TTC12: variants seen among roughly 807,000 people sequenced by gnomAD.
TTC12 encodes tetratricopeptide repeat domain 12.
In TTC12, 70 loss-of-function variants were observed where a neutral mutation model predicts 90.1. That is an observed-to-expected ratio of 0.78 (90% CI 0.64 to 0.95). TTC12 has a LOEUF of 0.95. Ranked by LOEUF, TTC12 falls within the 40% of genes least tolerant of loss-of-function variation. TTC12 has a pLI of 0.00. For missense variants in TTC12, 819 were observed against 846.1 expected (o/e 0.97, Z 0.40); for synonymous variants, 296 against 311.5 (o/e 0.95, Z 0.53).
chr11:113,321,347 G>A (rs1182167834), intron 2 of TTC12, among the ~76,000 whole-genome samples: 1 of 152,094 alleles, frequency 6.6e-6, no homozygotes, highest in Non-Finnish European at 1.5e-5. Flanking sequence ...ATGTGCACAA[G>A]GAAATATGTA....
chr11:113,344,121 G>A (rs1012509167), intron 12 of TTC12, 151 bp from the exon 13 acceptor site: 2 of 887,902 alleles, frequency 2.3e-6, no homozygotes, highest in Non-Finnish European at 3.4e-6. Flanking sequence ...GGACCCAGCA[G>A]TCTGGTTCTA....
chr11:113,368,300 G>C (rs1022135014), downstream of TTC12: 25 of 1,540,378 alleles, frequency 1.6e-5, no homozygotes, highest in Non-Finnish European at 2.2e-5. Flanking sequence ...TCCCTCTCCA[G>C]TGTGGATCCA....
Position 113,325,515 on chromosome 11 carries a change from T to G in TTC12, c.323-9T>G. 6.2e-7 allele frequency: 1 copy of G among 1,613,600 alleles called. No individual in the cohort carries two copies. Among genetic ancestry groups the G allele is most frequent in the Non-Finnish European group, 8.5e-7 (1 of 1,179,594 alleles). On this transcript the variant is annotated splice_polypyrimidine_tract_variant and intron_variant, in intron 5 of 21. Coordinates refer to ENST00000529221, the MANE Select transcript of TTC12 (RefSeq NM_017868.4). ...TGAGAGCTCACCTGTGTAACTTATA[T>G]TCCCATAGCCCTAAAAGAAAAAGGG...
intron 16 of TTC12, among the ~76,000 whole-genome samples, 158 bp downstream of exon 16, chr11:113,352,365 G>T (rs534939203): frequency 6.6e-6 from 1 of 152,268 alleles, no homozygotes; most frequent in East Asian, 1.9e-4. Context: ...TGCACTGCTG[G>T]CCTTAAAGAG....
intron 6 of TTC12, 38 bp downstream of exon 6, chr11:113,325,683 G>A (rs1555140860): frequency 1.2e-6 from 2 of 1,605,040 alleles, no homozygotes; most frequent in Non-Finnish European, 1.7e-6. Flanking sequence ...GGCTTTCTCA[G>A]GGAATAGTTG....
At chr11:113,343,532 C>T (rs191196147) in intron 12 of TTC12, among the ~76,000 whole-genome samples, 168 of 152,258 alleles carry the variant, frequency 1.1e-3, no homozygotes, top group Non-Finnish European at 1.9e-3. Flanking sequence ...TGTGTGTCTT[C>T]TACTGGATGC....
downstream of TTC12, among the ~76,000 whole-genome samples, chr11:113,367,051 C>T (rs1045785370): frequency 3.9e-5 from 6 of 152,252 alleles, no homozygotes; most frequent in African/African-American, 1.2e-4. Flanking sequence ...CTTGTACTCT[C>T]ACCCCATCCC....
intron 16 of TTC12, among the ~76,000 whole-genome samples, chr11:113,357,596 A>AT (rs1949697106): frequency 6.6e-6 from 1 of 152,044 alleles, no homozygotes. Flanking sequence ...TGACCTTTGG[A>AT]TAAATTTTTT....
At chr11:113,347,622 G>T (rs1949044472) in intron 13 of TTC12, among the ~76,000 whole-genome samples, 1 of 152,124 alleles carries the variant, frequency 6.6e-6, no homozygotes, top group African/African-American at 2.4e-5. Flanking sequence ...CATACACTGA[G>T]GCCCAGGCCC....
rs1007344761 is a variant in TTC12, at chr11:113,329,905, T to C, written c.445-15T>C. 1.2e-6 allele frequency: 2 copies of C among 1,610,672 alleles called. No individual in the cohort carries two copies. The highest frequency in any genetic ancestry group is 1.1e-5 in the South Asian group (1 of 91,004). On this transcript the variant is annotated splice_polypyrimidine_tract_variant and intron_variant, in intron 6 of 21. Transcript: ENST00000529221. ...CAGAATTGTGTGTGAATATCAGCTGTTGGTTTCATTACAGGCTTATATGAA... is the reference window on the plus strand; with the variant it reads ...CAGAATTGTGTGTGAATATCAGCTGCTGGTTTCATTACAGGCTTATATGAA...
chr11:113,351,673 A>G (rs1949301879), intron 15 of TTC12, among the ~76,000 whole-genome samples: 1 of 152,206 alleles, frequency 6.6e-6, no homozygotes, highest in African/African-American at 2.4e-5. Context: ...AAGGCAGTGA[A>G]TAGTGTGGGG....
intron 10 of TTC12, 184 bp downstream of exon 10, chr11:113,339,658 C>G: frequency 1.8e-6 from 1 of 564,970 alleles, no homozygotes; most frequent in Non-Finnish European, 3.1e-6. Context: ...TCCATCCTCT[C>G]TACAGAGCAT....
intron 13 of TTC12, among the ~76,000 whole-genome samples, chr11:113,348,086 A>C (rs1281207060): frequency 6.6e-6 from 1 of 152,210 alleles, no homozygotes; most frequent in Non-Finnish European, 1.5e-5. Flanking sequence ...GCTTTCGTCA[A>C]GAGGCAAAGG....
In TTC12 at chr11:113,325,515, T is replaced by A; in HGVS notation, c.323-9T>A. ...TGAGAGCTCACCTGTGTAACTTATA[T>A]TCCCATAGCCCTAAAAGAAAAAGGG... On this transcript the variant is annotated splice_polypyrimidine_tract_variant and intron_variant, in intron 5 of 21. Coordinates refer to ENST00000529221, the MANE Select transcript of TTC12 (RefSeq NM_017868.4). 1 of 1,613,600 alleles carries A rather than the reference T, an allele frequency of 6.2e-7. No individual in the cohort carries two copies. The highest frequency in any genetic ancestry group is 8.5e-7 in the Non-Finnish European group (1 of 1,179,594).
intron 16 of TTC12, among the ~76,000 whole-genome samples, chr11:113,355,984 C>T (rs186627542): frequency 6.6e-6 from 1 of 152,248 alleles, no homozygotes; most frequent in Non-Finnish European, 1.5e-5. Context: ...AAGTTCAGGT[C>T]CTGAGTATCT....
At chr11:113,319,366 T>C (rs1467025691) in intron 2 of TTC12, among the ~76,000 whole-genome samples, 1 of 151,878 alleles carries the variant, frequency 6.6e-6, no homozygotes. Flanking sequence ...TGTCGTGTAG[T>C]GTTCTGGATG....
In TTC12 at chr11:113,362,125, A is replaced by G. The variant is rs1449449200; in HGVS notation, c.1615-276A>G. On this transcript the variant is annotated intron_variant, in intron 18 of 21. Coordinates refer to ENST00000529221, the MANE Select transcript of TTC12 (RefSeq NM_017868.4). ...CTGCTGATATCAGAGCTCTGGGAGG[A>G]ATCACAAGGGAGAACTTCCTTTCTC... Among the ~76,000 whole-genome samples, 4 of 152,290 alleles carry G rather than the reference A, an allele frequency of 2.6e-5. No homozygotes were observed. The East Asian group carries it at 7.7e-4, about 29-fold the overall frequency.
chr11:113,327,804 G>C (rs542538913), intron 6 of TTC12, among the ~76,000 whole-genome samples: 109 of 152,274 alleles, frequency 7.2e-4, no homozygotes, highest in Non-Finnish European at 8.4e-4. Flanking sequence ...AATGAAACCT[G>C]AGACCCTGGA....
At position 113,325,522 on chromosome 11, in the gene TTC12, A is replaced by G; in HGVS notation, c.323-2A>G. The G allele has an allele frequency of 6.2e-7, 1 of 1,613,792 alleles. No individual in the cohort carries two copies. Among genetic ancestry groups the G allele is most frequent in the Middle Eastern group, 1.7e-4 (1 of 6,052 alleles). On this transcript the variant is annotated splice_acceptor_variant, in intron 5 of 21. Transcript: ENST00000529221. LOFTEE classifies it high-confidence loss of function. ...TCACCTGTGTAACTTATATTCCCAT[A>G]GCCCTAAAAGAAAAAGGGAATGAAG...
Sources: allele counts gnomAD v4.1 joint callset (sites outside exome capture counted in the v4.1 genomes callset), GRCh38; gene constraint gnomAD v4.1.1; transcripts MANE v1.5; gene names NCBI Gene and HGNC (gene_info 2026-07-23, HGNC 2026-07-21).